The following TRPM3 variants were observed in gnomAD, a reference collection of about 807,000 sequenced individuals.
TRPM3 encodes transient receptor potential cation channel subfamily M member 3.
A neutral mutation model predicts 181.2 loss-of-function variants in TRPM3; 77 were observed. The ratio of observed to expected loss-of-function variants is 0.42; its 90% CI spans 0.35 to 0.51. The LOEUF is 0.51. Among genes scored for constraint, TRPM3 ranks in the 20% least tolerant of loss-of-function variants. The pLI is 0.01. For synonymous variants in TRPM3, 745 were observed against 796.4 expected, an observed-to-expected ratio of 0.94 and a Z score of 1.09; for missense variants, 1,759 against 2,196.7, an observed-to-expected ratio of 0.80 and a Z score of 3.98.
At chr9:71,357,732 TAAAA>T (rs61173147) in intron 1 of TRPM3, among the ~76,000 whole-genome samples, 1,648 of 149,052 alleles carry the variant, frequency 0.011, 25 homozygotes, top group African/African-American at 0.035. Context: ...ATGCTTTCCA[TAAAA>T]AAAAAAAAAA....
intron 9 of TRPM3, among the ~76,000 whole-genome samples, chr9:70,653,303 T>A (rs894751540): frequency 1.3e-5 from 2 of 152,024 alleles, no homozygotes; most frequent in Non-Finnish European, 2.9e-5. Flanking sequence ...TGAGAGGGAA[T>A]GGAGACATGG....
chr9:71,183,297 A>G (rs1299503710), intron 1 of TRPM3, among the ~76,000 whole-genome samples: 2 of 152,142 alleles, frequency 1.3e-5, no homozygotes, highest in East Asian at 3.9e-4. Context: ...TCTCCTGCCA[A>G]GTTCTCTAAG....
At chr9:71,232,491 C>CTTTTTTTTTTTTTTT (rs71352362) in intron 1 of TRPM3, among the ~76,000 whole-genome samples, 1 of 59,126 alleles carries the variant, frequency 1.7e-5, no homozygotes, top group Non-Finnish European at 3.0e-5. Context: ...AATTCAGTGT[C>CTTTTTTTTTTTTTTT]TTTTTTTTTT....
intron 1 of TRPM3, among the ~76,000 whole-genome samples, chr9:70,988,834 C>T (rs2097447789): frequency 6.6e-6 from 1 of 152,166 alleles, no homozygotes; most frequent in African/African-American, 2.4e-5. Context: ...TGGGAAGGAC[C>T]TGAGGGTGGC....
At position 70,788,974 on chromosome 9, in the gene TRPM3, T is replaced by C. The variant is rs1357811315; in HGVS notation, c.974-4695A>G. Among the ~76,000 whole-genome samples, 7 of 152,168 alleles carry C rather than the reference T, an allele frequency of 4.6e-5. 1 individual carries two copies. Among genetic ancestry groups the C allele is most frequent in the Non-Finnish European group, 4.4e-5 (3 of 68,032 alleles). On this transcript the variant is annotated intron_variant, in intron 6 of 25. Coordinates refer to ENST00000677713, the MANE Select transcript of TRPM3 (RefSeq NM_001366145.2). Reference sequence around the variant, plus strand: ...CGCTCACCTATGGCCTGGCTCCTAATAGGACATGGACCGGTACCAGTCTGT... The same window carrying C: ...CGCTCACCTATGGCCTGGCTCCTAACAGGACATGGACCGGTACCAGTCTGT...
At chr9:70,603,521 A>C in intron 19 of TRPM3, 51 bp from the exon 20 acceptor site, 1 of 1,604,530 alleles carries the variant, frequency 6.2e-7, no homozygotes, top group Non-Finnish European at 8.5e-7. Context: ...CAGGAGCCCC[A>C]GCATCAGCCA....
intron 1 of TRPM3, among the ~76,000 whole-genome samples, chr9:71,085,513 A>G (rs1263748666): frequency 1.3e-5 from 2 of 152,024 alleles, no homozygotes; most frequent in African/African-American, 4.8e-5. Flanking sequence ...ACAAGTGACC[A>G]TGAAACTAGG....
chr9:70,786,643 T>G (rs564658465), intron 6 of TRPM3, among the ~76,000 whole-genome samples: 1 of 152,354 alleles, frequency 6.6e-6, no homozygotes, highest in African/African-American at 2.4e-5. Context: ...TTTTCCATTG[T>G]TAAAGGTTAT....
At chr9:70,976,927 C>T (rs1216112316) in intron 1 of TRPM3, among the ~76,000 whole-genome samples, 3 of 152,178 alleles carry the variant, frequency 2.0e-5, no homozygotes. Flanking sequence ...CTGAATGACC[C>T]CTTCGAGTCT....
At chr9:70,611,003 A>T (rs1401865779) in intron 18 of TRPM3, among the ~76,000 whole-genome samples, 3 of 150,444 alleles carry the variant, frequency 2.0e-5, no homozygotes, top group Non-Finnish European at 4.4e-5. Flanking sequence ...GAATTCTAGA[A>T]GATGTGGGTT....
chr9:70,893,714 C>G (rs1259020400), intron 1 of TRPM3, among the ~76,000 whole-genome samples: 1 of 152,110 alleles, frequency 6.6e-6, no homozygotes, highest in Admixed American at 6.5e-5. Flanking sequence ...TGAAATCCAA[C>G]ACGTGGCGAG....
intron 18 of TRPM3, among the ~76,000 whole-genome samples, chr9:70,611,455 T>G (rs112812664): frequency 0.24 from 36,914 of 151,978 alleles, 4,868 homozygotes; most frequent in South Asian, 0.45. Flanking sequence ...GGTCTGTCAC[T>G]CTCTCTCTCC....
At chr9:71,434,467 T>A (rs1396860008) in intron 1 of TRPM3, among the ~76,000 whole-genome samples, 2 of 152,192 alleles carry the variant, frequency 1.3e-5, no homozygotes, top group African/African-American at 2.4e-5. Flanking sequence ...AGAAATAATT[T>A]TCTGATGTTT....
chr9:70,810,938 C>T (rs925456110), intron 6 of TRPM3, among the ~76,000 whole-genome samples: 1 of 152,040 alleles, frequency 6.6e-6, no homozygotes, highest in Non-Finnish European at 1.5e-5. Context: ...ATGCTCATTC[C>T]CTCCTAGTAG....
rs964445557 is a variant in TRPM3, at chr9:70,529,700, T to C, written c.*6253A>G. 3.9e-5 allele frequency: 6 copies of C among 152,146 alleles called. No individual in the cohort carries two copies. The highest frequency in any genetic ancestry group is 3.3e-4 in the Admixed American group (5 of 15,276). The allele number at this position is 152,146 out of a possible 1,614,324, so 9.4% of individuals were successfully genotyped here. On this transcript the variant is annotated 3_prime_UTR_variant, in exon 26 of 26. Transcript: ENST00000677713. ...GCGAGTTTCTTTTCCCCCCTCTCGG[T>C]TCTCAGTGTATTTTGTGTGTACACT... is the stretch of plus-strand genomic sequence containing the variant.
chr9:71,031,336 A>T (rs1428183820), intron 1 of TRPM3, among the ~76,000 whole-genome samples: 1 of 152,228 alleles, frequency 6.6e-6, no homozygotes, highest in South Asian at 2.1e-4. Context: ...CAGCAGAATT[A>T]TGGTTAGCCT....
In TRPM3 at chr9:71,082,732, T is replaced by G. The variant is rs1020790388; in HGVS notation, c.177+38446A>C. ...GGTTGTTACTGAAGTTAAAGTGATCTACATCAGGAAAAACAAATCAAATGG... is the reference window on the plus strand; with the variant it reads ...GGTTGTTACTGAAGTTAAAGTGATCGACATCAGGAAAAACAAATCAAATGG... On this transcript the variant is annotated intron_variant, in intron 1 of 25. Transcript: ENST00000677713. Among the ~76,000 whole-genome samples, 5 of 152,238 alleles carry G rather than the reference T, an allele frequency of 3.3e-5. No homozygotes were observed. In the East Asian group the frequency reaches 9.7e-4, roughly 29 times the overall value.
chr9:71,304,597 C>G (rs2087090571), intron 1 of TRPM3, among the ~76,000 whole-genome samples: 1 of 152,164 alleles, frequency 6.6e-6, no homozygotes, highest in Non-Finnish European at 1.5e-5. Flanking sequence ...ATTCTCAAAT[C>G]TCTGCATATT....
chr9:70,819,551 GA>G (rs1465715519), intron 6 of TRPM3, among the ~76,000 whole-genome samples: 2 of 152,090 alleles, frequency 1.3e-5, no homozygotes, highest in East Asian at 3.9e-4. Flanking sequence ...ATAGGGTAAA[GA>G]AAAAAACAGA....
Sources: gnomAD v4.1 joint callset for allele counts (sites outside exome capture counted in the v4.1 genomes callset) on GRCh38, gnomAD v4.1.1 for gene constraint, MANE v1.5 for transcripts, NCBI Gene and HGNC (gene_info 2026-07-23, HGNC 2026-07-21) for gene names.